SPAG16: variants seen among roughly 807,000 people sequenced by gnomAD.
SPAG16 encodes sperm-associated antigen 16 protein.
SPAG16 carries 86 observed loss-of-function variants against 80.4 expected under a neutral mutation model. The ratio of observed to expected loss-of-function variants is 1.07; its 90% CI spans 0.90 to 1.28. SPAG16 has a LOEUF of 1.28. Among genes scored for constraint, SPAG16 ranks in the 50% most tolerant of loss-of-function variants. SPAG16 has a pLI of 0.00. For synonymous variants in SPAG16, 294 were observed against 265.9 expected, an observed-to-expected ratio of 1.11 and a Z score of -1.03; for missense variants, 870 against 765.3, an observed-to-expected ratio of 1.14 and a Z score of -1.61.
At chr2:213,323,297 C>G (rs147725210) in intron 5 of SPAG16, among the ~76,000 whole-genome samples, 1 of 151,942 alleles carries the variant, frequency 6.6e-6, no homozygotes, top group Non-Finnish European at 1.5e-5. Context: ...AAAAATTAGC[C>G]GGGCATGGTG....
intron 11 of SPAG16, among the ~76,000 whole-genome samples, chr2:213,922,980 C>T (rs1276590504): frequency 6.6e-6 from 1 of 152,166 alleles, no homozygotes; most frequent in Non-Finnish European, 1.5e-5. Flanking sequence ...CTGCAGAGTT[C>T]AGGCAGAAGT....
intron 12 of SPAG16, among the ~76,000 whole-genome samples, chr2:213,990,901 C>T (rs1291665663): frequency 6.6e-6 from 1 of 152,178 alleles, no homozygotes; most frequent in East Asian, 1.9e-4. Flanking sequence ...TGTTTCCTCA[C>T]ATGAACTTGA....
chr2:214,152,323 G>C (rs2056014153), intron 15 of SPAG16, among the ~76,000 whole-genome samples: 1 of 152,036 alleles, frequency 6.6e-6, no homozygotes, highest in Non-Finnish European at 1.5e-5. Context: ...AAAAATGTTG[G>C]AAAACCAAAG....
intron 10 of SPAG16, among the ~76,000 whole-genome samples, chr2:213,541,132 T>C (rs1295327468): frequency 2.6e-5 from 4 of 152,210 alleles, no homozygotes; most frequent in Non-Finnish European, 5.9e-5. Context: ...TTGTTTCATT[T>C]ACGGTGAAAA....
intron 10 of SPAG16, among the ~76,000 whole-genome samples, chr2:213,814,697 G>T (rs1312070885): frequency 6.6e-6 from 1 of 152,124 alleles, no homozygotes; most frequent in Non-Finnish European, 1.5e-5. Flanking sequence ...GGCTGAGGCA[G>T]GAGAATTGCT....
At chr2:213,654,029 T>C (rs1377951003) in intron 10 of SPAG16, among the ~76,000 whole-genome samples, 1 of 152,206 alleles carries the variant, frequency 6.6e-6, no homozygotes, top group Non-Finnish European at 1.5e-5. Context: ...ATTTTATAAA[T>C]ATAGAAATTG....
chr2:213,702,359 T>G (rs1424945762), intron 10 of SPAG16, among the ~76,000 whole-genome samples: 1 of 152,214 alleles, frequency 6.6e-6, no homozygotes, highest in African/African-American at 2.4e-5. Flanking sequence ...TTCTTTCACT[T>G]TTTGCAATAA....
chr2:213,353,365 T>A (rs112408436), intron 7 of SPAG16, among the ~76,000 whole-genome samples: 3,699 of 152,266 alleles, frequency 0.024, 151 homozygotes, highest in African/African-American at 0.085. Context: ...TTCTCTATAT[T>A]GGAAATACAA....
chr2:213,954,324 G>A (rs1323745916), intron 12 of SPAG16, among the ~76,000 whole-genome samples: 3 of 151,860 alleles, frequency 2.0e-5, no homozygotes, highest in African/African-American at 4.8e-5. Context: ...TATTTTGAAA[G>A]TTCATCAATG....
intron 10 of SPAG16, 144 bp from the exon 11 acceptor site, chr2:213,862,341 C>A: frequency 2.1e-6 from 2 of 961,602 alleles, no homozygotes; most frequent in Non-Finnish European, 3.1e-6. Context: ...GATGCAGAAC[C>A]TGCTTCCTCT....
intron 7 of SPAG16, among the ~76,000 whole-genome samples, chr2:213,355,655 G>T (rs1253576849): frequency 6.6e-6 from 1 of 152,018 alleles, no homozygotes; most frequent in Non-Finnish European, 1.5e-5. Flanking sequence ...TCATGATTTG[G>T]CCCTCTGTTT....
intron 13 of SPAG16, among the ~76,000 whole-genome samples, chr2:214,067,982 A>ATT (rs943541053): frequency 6.6e-6 from 1 of 151,570 alleles, no homozygotes; most frequent in African/African-American, 2.4e-5. Context: ...CCTTCAAAAT[A>ATT]TTTTTTTTTG....
intron 10 of SPAG16, among the ~76,000 whole-genome samples, chr2:213,719,707 G>A (rs1024455726): frequency 6.6e-6 from 1 of 152,136 alleles, no homozygotes; most frequent in Non-Finnish European, 1.5e-5. Flanking sequence ...GAGAGGATGT[G>A]GAGAAATAGG....
intron 10 of SPAG16, among the ~76,000 whole-genome samples, chr2:213,559,217 C>CG: frequency 6.6e-6 from 1 of 152,144 alleles, no homozygotes. Context: ...CATCCTGAAC[C>CG]GTCTCTGAAT....
intron 15 of SPAG16, among the ~76,000 whole-genome samples, chr2:214,306,407 A>C (rs890633168): frequency 6.6e-6 from 1 of 152,202 alleles, no homozygotes. Context: ...AACTTCCAAT[A>C]CTATGTTGAA....
intron 15 of SPAG16, among the ~76,000 whole-genome samples, chr2:214,277,292 A>G (rs1241965110): frequency 1.8e-4 from 27 of 151,774 alleles, no homozygotes; most frequent in Non-Finnish European, 7.4e-5. Context: ...AGTTCCGTCA[A>G]CTCGTCAAAG....
intron 10 of SPAG16, among the ~76,000 whole-genome samples, chr2:213,853,490 C>A (rs567847179): frequency 7.2e-4 from 110 of 152,170 alleles, no homozygotes; most frequent in Admixed American, 1.4e-3. Flanking sequence ...ATGTAACATG[C>A]CTGGTATATT....
At chr2:213,581,824 G>A (rs1319734718) in intron 10 of SPAG16, among the ~76,000 whole-genome samples, 1 of 152,164 alleles carries the variant, frequency 6.6e-6, no homozygotes, top group Non-Finnish European at 1.5e-5. Context: ...CCCAAACAGA[G>A]ATGCTGTGAT....
chr2:213,524,086 G>C (rs2075789477), intron 10 of SPAG16, among the ~76,000 whole-genome samples: 1 of 152,132 alleles, frequency 6.6e-6, no homozygotes, highest in Non-Finnish European at 1.5e-5. Context: ...TTGTGGGCTG[G>C]GACCAGGGCC....
Sources: allele counts gnomAD v4.1 joint callset (sites outside exome capture counted in the v4.1 genomes callset), GRCh38; gene constraint gnomAD v4.1.1; transcripts MANE v1.5; gene names NCBI Gene and HGNC (gene_info 2026-07-23, HGNC 2026-07-21).